Variants in HSD17B12 observed in about 807,000 individuals in gnomAD.
HSD17B12 encodes the protein very-long-chain 3-oxoacyl-CoA reductase.
Under a neutral mutation model 39.3 loss-of-function variants are expected in HSD17B12, and 32 were observed. The observed-to-expected ratio is 0.81, with a 90% CI of 0.61 to 1.09. HSD17B12 has a LOEUF of 1.09. HSD17B12 is among the 50% of genes least tolerant of loss of function. HSD17B12 has a pLI of 0.00. For missense variants in HSD17B12, 342 were observed against 382.9 expected, an observed-to-expected ratio of 0.89 and a Z score of 0.89; for synonymous variants, 150 against 146.7, an observed-to-expected ratio of 1.02 and a Z score of -0.16.
At chr11:43,585,736 G>A in the HSD17B12 span, among the ~76,000 whole-genome samples, 10 of 152,228 alleles carry the variant, frequency 6.6e-5, no homozygotes, top group South Asian at 1.7e-3. Flanking sequence ...CTATCTTTGG[G>A]CAATAGGGTT....
the HSD17B12 span, among the ~76,000 whole-genome samples, chr11:43,651,714 G>A: frequency 6.6e-6 from 1 of 152,114 alleles, no homozygotes; most frequent in Admixed American, 6.6e-5. Flanking sequence ...CCCAGTAGCT[G>A]GGATTACAGG....
At chr11:43,777,955 C>T (rs1184487529) in intron 3 of HSD17B12, among the ~76,000 whole-genome samples, 1 of 152,034 alleles carries the variant, frequency 6.6e-6, no homozygotes, top group Non-Finnish European at 1.5e-5. Context: ...CATTCAAAAG[C>T]TAGCAGAAGG....
At chr11:43,739,757 G>A (rs1162618822) in intron 1 of HSD17B12, among the ~76,000 whole-genome samples, 1 of 152,184 alleles carries the variant, frequency 6.6e-6, no homozygotes, top group Non-Finnish European at 1.5e-5. Context: ...TACGTTGGAG[G>A]TGTAGAGAAC....
intron 1 of HSD17B12, among the ~76,000 whole-genome samples, chr11:43,690,115 C>T (rs1590661743): frequency 6.6e-6 from 1 of 151,690 alleles, no homozygotes; most frequent in African/African-American, 2.4e-5. Context: ...AACTCACAGT[C>T]GTTTCTCCCT....
intron 1 of HSD17B12, among the ~76,000 whole-genome samples, chr11:43,698,738 A>G (rs956796724): frequency 6.6e-5 from 10 of 152,240 alleles, no homozygotes; most frequent in Admixed American, 2.6e-4. Flanking sequence ...TTATGCACAT[A>G]CAAGGCACTG....
chr11:43,645,607 A>G, the HSD17B12 span: 1 of 152,218 alleles, frequency 6.6e-6, no homozygotes, highest in Non-Finnish European at 1.5e-5. Flanking sequence ...AACCACTTTC[A>G]TATATCATTA....
upstream of HSD17B12, among the ~76,000 whole-genome samples, chr11:43,676,231 GTGTGTA>G (rs201542443): frequency 6.6e-3 from 994 of 151,076 alleles, 15 homozygotes; most frequent in East Asian, 0.058. Flanking sequence ...GTGTGTGTGT[GTGTGTA>G]TGTGTTAAGC....
chr11:43,809,108 G>A (rs1019338773), intron 4 of HSD17B12, among the ~76,000 whole-genome samples: 1 of 152,170 alleles, frequency 6.6e-6, no homozygotes, highest in African/African-American at 2.4e-5. Flanking sequence ...CTGGTCATAC[G>A]TAATAAAAGT....
chr11:43,730,339 C>T (rs916751937), intron 1 of HSD17B12, among the ~76,000 whole-genome samples: 1 of 152,108 alleles, frequency 6.6e-6, no homozygotes, highest in Non-Finnish European at 1.5e-5. Context: ...AAAGATTTAT[C>T]TGGAAGTGAA....
the HSD17B12 span, among the ~76,000 whole-genome samples, chr11:43,566,528 C>A: frequency 6.6e-6 from 1 of 150,638 alleles, no homozygotes; most frequent in Middle Eastern, 3.4e-3. Flanking sequence ...TAACTGTGAC[C>A]CAGAACTTTT....
chr11:43,743,311 T>C (rs1383235741), intron 1 of HSD17B12, among the ~76,000 whole-genome samples: 2 of 152,148 alleles, frequency 1.3e-5, no homozygotes, highest in African/African-American at 4.8e-5. Flanking sequence ...GAATAAGAAA[T>C]GGAAAGCTCC....
intron 1 of HSD17B12, among the ~76,000 whole-genome samples, chr11:43,703,947 T>C (rs2134816697): frequency 6.6e-6 from 1 of 152,318 alleles, no homozygotes; most frequent in Non-Finnish European, 1.5e-5. Flanking sequence ...TCTGCTAATT[T>C]TGGGTTTGGT....
At chr11:43,731,030 TC>T (rs1950262500) in intron 1 of HSD17B12, among the ~76,000 whole-genome samples, 1 of 152,012 alleles carries the variant, frequency 6.6e-6, no homozygotes, top group African/African-American at 2.4e-5. Context: ...AGAGTTTCAC[TC>T]TGTCACCCAG....
intron 3 of HSD17B12, among the ~76,000 whole-genome samples, chr11:43,791,129 T>A (rs982306599): frequency 6.6e-6 from 1 of 152,182 alleles, no homozygotes; most frequent in Non-Finnish European, 1.5e-5. Flanking sequence ...ACCAGTTGAG[T>A]TGGCACTCAA....
intron 1 of HSD17B12, among the ~76,000 whole-genome samples, chr11:43,685,176 G>C: frequency 6.6e-6 from 1 of 152,242 alleles, no homozygotes; most frequent in South Asian, 2.1e-4. Context: ...GATGGAACTC[G>C]TTTGGCTTTG....
intron 1 of HSD17B12, among the ~76,000 whole-genome samples, chr11:43,739,983 A>G (rs559052996): frequency 1.3e-5 from 2 of 152,236 alleles, no homozygotes; most frequent in South Asian, 2.1e-4. Context: ...TACAATGTAG[A>G]GATTGAATTG....
At chr11:43,567,541 G>A in the HSD17B12 span, among the ~76,000 whole-genome samples, 3 of 152,190 alleles carry the variant, frequency 2.0e-5, no homozygotes, top group African/African-American at 7.2e-5. Flanking sequence ...AGAAATGAAG[G>A]AAATGTGCAA....
At chr11:43,623,901 A>C in the HSD17B12 span, among the ~76,000 whole-genome samples, 24 of 152,086 alleles carry the variant, frequency 1.6e-4, no homozygotes, top group African/African-American at 5.1e-4. Flanking sequence ...ATATAGTAAG[A>C]ATTACAATTC....
At chr11:43,848,001 A>G (rs1312468319) in intron 9 of HSD17B12, among the ~76,000 whole-genome samples, 1 of 152,172 alleles carries the variant, frequency 6.6e-6, no homozygotes, top group Non-Finnish European at 1.5e-5. Flanking sequence ...ATATAGTTCT[A>G]TTGGGCTTCA....
Sources: allele counts gnomAD v4.1 joint callset (sites outside exome capture counted in the v4.1 genomes callset), GRCh38; gene constraint gnomAD v4.1.1; transcripts MANE v1.5; gene names NCBI Gene and HGNC (gene_info 2026-07-23, HGNC 2026-07-21).